The following PRORP variants were observed in gnomAD, a reference collection of about 807,000 sequenced individuals.
PRORP encodes the protein protein only RNase P catalytic subunit, also known as mitochondrial ribonuclease P catalytic subunit.
PRORP carries 51 observed loss-of-function variants against 59.4 expected under a neutral mutation model. That is an observed-to-expected ratio of 0.86 (90% CI 0.69 to 1.08). PRORP has a LOEUF of 1.08. PRORP is among the 50% of genes least tolerant of loss of function. PRORP has a pLI of 0.00. For missense variants in PRORP, 646 were observed against 690.3 expected, an observed-to-expected ratio of 0.94 and a Z score of 0.72; for synonymous variants, 231 against 245.6, an observed-to-expected ratio of 0.94 and a Z score of 0.55.
intron 4 of PRORP, chr14:35,157,959 A>G (rs1190186229): frequency 9.9e-6 from 2 of 202,250 alleles, no homozygotes; most frequent in Middle Eastern, 3.7e-3. Context: ...TTGTTCTGAA[A>G]TATGTTGTTG....
Position 35,148,175 on chromosome 14 carries a change from A to G in PRORP, c.1167+20564A>G, listed in dbSNP as rs150700830. Among the ~76,000 whole-genome samples the G allele has an allele frequency of 6.1e-3, 931 of 152,330 alleles. 8 individuals are homozygous for G. The highest frequency in any genetic ancestry group is 0.022 in the African/African-American group (902 of 41,566). On this transcript the variant is annotated intron_variant, in intron 4 of 7. Transcript: ENST00000534898. ...ATGTAGATCGGTGAATCCTTTCCAGAAAGTTTTCCGTTGACTTTGCCCAAA... is the reference window on the plus strand; with the variant it reads ...ATGTAGATCGGTGAATCCTTTCCAGGAAGTTTTCCGTTGACTTTGCCCAAA...
intron 5 of PRORP, among the ~76,000 whole-genome samples, chr14:35,245,741 C>G (rs2050466372): frequency 6.6e-6 from 1 of 152,144 alleles, no homozygotes; most frequent in Non-Finnish European, 1.5e-5. Flanking sequence ...ATTAATTGCC[C>G]TCTGTATCTG....
intron 5 of PRORP, among the ~76,000 whole-genome samples, chr14:35,215,997 C>T (rs1313103723): frequency 6.6e-6 from 1 of 151,422 alleles, no homozygotes; most frequent in Non-Finnish European, 1.5e-5. Flanking sequence ...GAACTCCTGA[C>T]CTCAAATGAT....
intron 5 of PRORP, chr14:35,263,015 T>C (rs2050944212): frequency 1.3e-6 from 2 of 1,593,862 alleles, no homozygotes; most frequent in South Asian, 1.1e-5. Flanking sequence ...AAAAAGGAAC[T>C]GTTCAGCCGG....
chr14:35,137,992 A>G (rs1193305096), intron 4 of PRORP, among the ~76,000 whole-genome samples: 1 of 145,798 alleles, frequency 6.9e-6, no homozygotes, highest in African/African-American at 2.4e-5. Flanking sequence ...TATTGCAAAT[A>G]CCACAAACCA....
At chr14:35,141,195 A>C (rs2047472237) in intron 4 of PRORP, among the ~76,000 whole-genome samples, 1 of 145,244 alleles carries the variant, frequency 6.9e-6, no homozygotes, top group Non-Finnish European at 1.5e-5. Flanking sequence ...GTGTTACTTT[A>C]ATGTTAATTA....
chr14:35,158,981 TG>T, intron 4 of PRORP: 1 of 351,020 alleles, frequency 2.8e-6, no homozygotes. Context: ...TTTGGGAGAT[TG>T]GCAAATCCCA....
At chr14:35,149,726 A>G (rs2047697823) in intron 4 of PRORP, among the ~76,000 whole-genome samples, 1 of 152,078 alleles carries the variant, frequency 6.6e-6, no homozygotes, top group Non-Finnish European at 1.5e-5. Flanking sequence ...CAATAAGGCT[A>G]TTTTGCTTTC....
At chr14:35,267,742 C>G (rs1204858601) in intron 6 of PRORP, among the ~76,000 whole-genome samples, 1 of 151,908 alleles carries the variant, frequency 6.6e-6, no homozygotes, top group Non-Finnish European at 1.5e-5. Context: ...GATCGCGCCA[C>G]TGCACTCCAG....
At chr14:35,122,046 C>A, upstream of PRORP, 1 of 1,498,156 alleles carries the variant, frequency 6.7e-7, no homozygotes, top group South Asian at 1.1e-5. Context: ...CGCCAGGCCC[C>A]GTAAAGGTTA....
In PRORP at chr14:35,123,494, T is replaced by A. The variant is rs1225519020; in HGVS notation, c.249T>A (p.His83Gln). 1 of 1,566,672 alleles carries A rather than the reference T, an allele frequency of 6.4e-7. No homozygotes were observed. The change falls in exon 2 of 8, where the codon CAT (histidine) becomes CAA (glutamine). Residue 83 changes from histidine to glutamine, a missense_variant. By Grantham distance (24) the His-to-Gln change is conservative. Transcript: ENST00000534898. ...GSNKQVYSVP[H>Q]FFLAGAAKER... ...ATAAGCAAGTTTATTCTGTTCCTCATTTTTTTTTAGCTGGAGCAGCTAAGG... is the reference window on the plus strand; with the variant it reads ...ATAAGCAAGTTTATTCTGTTCCTCAATTTTTTTTAGCTGGAGCAGCTAAGG...
chr14:35,169,089 C>CT (rs997649091), intron 4 of PRORP, among the ~76,000 whole-genome samples: 4 of 73,186 alleles, frequency 5.5e-5, no homozygotes, highest in Non-Finnish European at 8.8e-5. Context: ...ACCTTTCTTT[C>CT]TTTTTTTTTT....
At chr14:35,132,461 A>G (rs1752843685) in intron 4 of PRORP, among the ~76,000 whole-genome samples, 1 of 151,146 alleles carries the variant, frequency 6.6e-6, no homozygotes, top group Admixed American at 6.6e-5. Flanking sequence ...TCCATCTCAA[A>G]AAAATAAAAA....
At chr14:35,126,512 T>C (rs1274907800) in intron 2 of PRORP, among the ~76,000 whole-genome samples, 1 of 152,178 alleles carries the variant, frequency 6.6e-6, no homozygotes, top group Admixed American at 6.6e-5. Flanking sequence ...GAGAGTTATT[T>C]GTTGGGAGGA....
intron 5 of PRORP, among the ~76,000 whole-genome samples, chr14:35,225,293 A>G (rs144106537): frequency 1.2e-4 from 18 of 152,318 alleles, no homozygotes; most frequent in African/African-American, 3.8e-4. Flanking sequence ...ATCAATAAAC[A>G]AAAAGCTAAG....
upstream of PRORP, chr14:35,122,522 G>A (rs1188159224): frequency 1.3e-5 from 2 of 154,924 alleles, no homozygotes; most frequent in Non-Finnish European, 2.9e-5. Context: ...TCCGTCGGTC[G>A]GGGCTGGCGC....
chr14:35,197,295 AG>A (rs749440870), intron 5 of PRORP, among the ~76,000 whole-genome samples: 35 of 152,300 alleles, frequency 2.3e-4, no homozygotes, highest in South Asian at 1.5e-3. Context: ...TGTGGTAGGA[AG>A]AGGCCACTTA....
intron 4 of PRORP, among the ~76,000 whole-genome samples, chr14:35,162,115 T>C (rs977113611): frequency 3.9e-5 from 6 of 152,152 alleles, no homozygotes; most frequent in African/African-American, 1.2e-4. Flanking sequence ...TAATTATTCA[T>C]TGAGTCTCCT....
chr14:35,202,628 T>A (rs886622044), intron 5 of PRORP, among the ~76,000 whole-genome samples: 1 of 151,940 alleles, frequency 6.6e-6, no homozygotes, highest in African/African-American at 2.4e-5. Context: ...AGTTGGTTAG[T>A]TTGGTTTTTT....
Sources: gnomAD v4.1 joint callset for allele counts (sites outside exome capture counted in the v4.1 genomes callset) on GRCh38, gnomAD v4.1.1 for gene constraint, MANE v1.5 for transcripts, NCBI Gene and HGNC (gene_info 2026-07-23, HGNC 2026-07-21) for gene names.